Variants in RGS22 observed in about 807,000 individuals in gnomAD.
The protein encoded by RGS22 is regulator of G-protein signaling 22.
Under a neutral mutation model 172.9 loss-of-function variants are expected in RGS22, and 148 were observed. That is an observed-to-expected ratio of 0.86 (90% CI 0.75 to 0.98). RGS22 has a LOEUF of 0.98. Among genes scored for constraint, RGS22 ranks in the 50% least tolerant of loss-of-function variants. The probability of loss-of-function intolerance (pLI) is 0.00; values close to 1 mark genes in which losing one functional copy is unlikely to be tolerated. For synonymous variants in RGS22, 458 were observed against 480.2 expected (o/e 0.95, Z 0.60); for missense variants, 1,347 against 1,440.8 (o/e 0.93, Z 1.05).
chr8:100,008,271 C>A lies in RGS22; in HGVS notation c.2361+104G>T, dbSNP rs1815954548. ...TAGGCTGGTCTTGAACTCCTGACCT[C>A]AGGTGATCCACCCGCCTCGGCCTCC... On this transcript the variant is annotated intron_variant, in intron 15 of 27. Coordinates refer to ENST00000360863, the MANE Select transcript of RGS22 (RefSeq NM_015668.5). The A allele has an allele frequency of 1.4e-5, 14 of 1,024,640 alleles. No homozygotes were observed. In the South Asian group the frequency reaches 2.0e-4, roughly 15 times the overall value. The allele number at this position is 1,024,640 out of a possible 1,614,324, so 63.5% of individuals were successfully genotyped here. A position where few individuals can be genotyped will look rare whatever the true frequency, so the allele number is the denominator to read the frequency against.
intron 14 of RGS22, among the ~76,000 whole-genome samples, chr8:100,028,014 T>C (rs1042228961): frequency 4.6e-5 from 7 of 152,162 alleles, no homozygotes; most frequent in African/African-American, 9.7e-5. Flanking sequence ...AACATATATA[T>C]AGTCTTTTTT....
chr8:100,072,884 A>G (rs1034562704), intron 4 of RGS22, among the ~76,000 whole-genome samples: 2 of 152,188 alleles, frequency 1.3e-5, no homozygotes, highest in Non-Finnish European at 2.9e-5. Flanking sequence ...GAGACAAACC[A>G]TAAGTGTAGC....
intron 3 of RGS22, among the ~76,000 whole-genome samples, chr8:100,083,750 C>G (rs1237176117): frequency 6.6e-6 from 1 of 152,026 alleles, no homozygotes. Context: ...CAGCAAGTCC[C>G]CTAATGAGCT....
chr8:99,979,778 G>A (rs925473796), intron 22 of RGS22, among the ~76,000 whole-genome samples: 1 of 152,104 alleles, frequency 6.6e-6, no homozygotes, highest in Non-Finnish European at 1.5e-5. Flanking sequence ...CCTTCTCTAT[G>A]CCTGGCATTT....
intron 20 of RGS22, among the ~76,000 whole-genome samples, chr8:99,991,179 A>G (rs1197083994): frequency 6.6e-6 from 1 of 152,236 alleles, no homozygotes; most frequent in Non-Finnish European, 1.5e-5. Context: ...AGAAAAGCTG[A>G]AAATTCTAAA....
At chr8:100,044,143 C>T (rs1490114542) in intron 11 of RGS22, among the ~76,000 whole-genome samples, 2 of 152,344 alleles carry the variant, frequency 1.3e-5, no homozygotes, top group African/African-American at 2.4e-5. Context: ...TGAACTCTAT[C>T]AAGTACTTAA....
rs544280352 is a variant in RGS22 at position 99,971,782 on chromosome 8, G to A, written c.3519+6135C>T. Among the ~76,000 whole-genome samples, 3 of 151,988 alleles carry A rather than the reference G, an allele frequency of 2.0e-5. No homozygotes were observed. In the East Asian group the frequency reaches 5.8e-4, roughly 29 times the overall value. ...CTCATGGATAGGAAGAATCAGTATC[G>A]TGGGATAGGAAGAATCAATATCATG... On this transcript the variant is annotated intron_variant, in intron 23 of 27. Coordinates refer to ENST00000360863, the MANE Select transcript of RGS22 (RefSeq NM_015668.5).
At chr8:99,999,449 T>A in intron 18 of RGS22, 29 bp from the exon 19 acceptor site, 1 of 1,603,946 alleles carries the variant, frequency 6.2e-7, no homozygotes, top group Non-Finnish European at 8.5e-7. Flanking sequence ...AAACAGAAAC[T>A]ATTGTGCTTT....
chr8:99,977,672 A>T (rs1812121108), intron 23 of RGS22, among the ~76,000 whole-genome samples: 1 of 152,202 alleles, frequency 6.6e-6, no homozygotes, highest in Non-Finnish European at 1.5e-5. Context: ...ACGTTATTGC[A>T]GCGGATGCAA....
At chr8:100,085,615 A>T (rs1309889510) in intron 3 of RGS22, among the ~76,000 whole-genome samples, 95 of 152,338 alleles carry the variant, frequency 6.2e-4, no homozygotes, top group Non-Finnish European at 1.9e-4. Context: ...GGACTGGATG[A>T]AGGGATGGAC....
At chr8:100,072,093 G>A in intron 5 of RGS22, 52 bp downstream of exon 5, 1 of 1,078,362 alleles carries the variant, frequency 9.3e-7, no homozygotes, top group East Asian at 2.5e-5. Context: ...AGCAAATTGG[G>A]AGGCTAATAT....
At chr8:100,043,442 T>C (rs1304472596) in intron 11 of RGS22, among the ~76,000 whole-genome samples, 2 of 152,218 alleles carry the variant, frequency 1.3e-5, no homozygotes, top group African/African-American at 2.4e-5. Context: ...AAAAATACTC[T>C]TTCTGATGAG....
chr8:99,967,055 G>A (rs1404244847), intron 23 of RGS22, among the ~76,000 whole-genome samples: 1 of 152,168 alleles, frequency 6.6e-6, no homozygotes, highest in Non-Finnish European at 1.5e-5. Flanking sequence ...GTTAGACAGT[G>A]AGTACAGCCC....
At chr8:100,076,590 T>A (rs1434186387) in intron 4 of RGS22, among the ~76,000 whole-genome samples, 2 of 152,266 alleles carry the variant, frequency 1.3e-5, no homozygotes, top group South Asian at 4.1e-4. Flanking sequence ...GGGCCTGGAG[T>A]TGTCTTTGTG....
intron 9 of RGS22, among the ~76,000 whole-genome samples, chr8:100,061,101 C>T (rs1810100572): frequency 6.6e-6 from 1 of 152,214 alleles, no homozygotes; most frequent in Non-Finnish European, 1.5e-5. Context: ...GCTAGGATAA[C>T]TGGCTGGCCA....
intron 23 of RGS22, among the ~76,000 whole-genome samples, chr8:99,969,990 C>T (rs879712839): frequency 6.6e-6 from 1 of 152,166 alleles, no homozygotes; most frequent in Non-Finnish European, 1.5e-5. Context: ...AAGTAAAACA[C>T]TCCTCAGCAA....
At chr8:99,973,885 A>AAAAAAACC (rs1239697349) in intron 23 of RGS22, among the ~76,000 whole-genome samples, 7 of 151,686 alleles carry the variant, frequency 4.6e-5, no homozygotes, top group Non-Finnish European at 8.8e-5. Flanking sequence ...AAAAAAAACA[A>AAAAAAACC]AAAAAACCCA....
intron 15 of RGS22, among the ~76,000 whole-genome samples, chr8:100,007,654 C>T (rs1815867645): frequency 1.3e-5 from 2 of 151,872 alleles, no homozygotes; most frequent in South Asian, 4.1e-4. Flanking sequence ...TGAAAACTAG[C>T]AAGAAGGGCA....
intron 24 of RGS22, among the ~76,000 whole-genome samples, 161 bp downstream of exon 24, chr8:99,965,174 T>A (rs1346509595): frequency 6.6e-6 from 1 of 152,232 alleles, no homozygotes; most frequent in South Asian, 2.1e-4. Flanking sequence ...GAAATTTTAA[T>A]GAAGGCTCAA....
Sources: allele counts gnomAD v4.1 joint callset (sites outside exome capture counted in the v4.1 genomes callset), GRCh38; gene constraint gnomAD v4.1.1; transcripts MANE v1.5; gene names NCBI Gene and HGNC (gene_info 2026-07-23, HGNC 2026-07-21).